The following GAL3ST2 variants were observed in gnomAD, a reference collection of about 807,000 sequenced individuals.
GAL3ST2 encodes the protein galactose-3-O-sulfotransferase 2, also known as beta-galactose-3-O-sulfotransferase 2.
Under a neutral mutation model 12.9 loss-of-function variants are expected in GAL3ST2, and 16 were observed. The observed-to-expected ratio is 1.24, with a 90% CI of 0.84 to 1.88. The LOEUF (loss-of-function observed/expected upper bound fraction) is 1.88. GAL3ST2 is among the 40% of genes most tolerant of loss of function. The pLI is 0.00. For synonymous variants in GAL3ST2, 302 were observed against 273.9 expected (o/e 1.10, Z -1.01); for missense variants, 639 against 571.8 (o/e 1.12, Z -1.20).
chr2:241,798,323 C>T (rs866738053), intron 1 of GAL3ST2, among the ~76,000 whole-genome samples: 1 of 152,234 alleles, frequency 6.6e-6, no homozygotes, highest in Non-Finnish European at 1.5e-5. Flanking sequence ...CAGGCTGGCC[C>T]CAGCAGCAGA....
At chr2:241,786,635 G>A (rs972720185) in intron 1 of GAL3ST2, among the ~76,000 whole-genome samples, 1 of 152,140 alleles carries the variant, frequency 6.6e-6, no homozygotes, top group African/African-American at 2.4e-5. Flanking sequence ...GAGTTGTACA[G>A]CAAAATAAAC....
Position 241,778,792 on chromosome 2 carries a change from G to C in GAL3ST2, c.29+1808G>C, listed in dbSNP as rs59808416. Among the ~76,000 whole-genome samples the C allele has an allele frequency of 7.0e-3, 1,061 of 152,250 alleles. 23 individuals carry two copies. The highest frequency in any genetic ancestry group is 0.024 in the African/African-American group (989 of 41,538). On this transcript the variant is annotated intron_variant, in intron 1 of 3. Coordinates refer to ENST00000192314, the MANE Select transcript of GAL3ST2 (RefSeq NM_022134.3). ...GCATATGCAGGACGAACATTGGTTC[G>C]GTCTGGAGAGGCAGGACGGCTCGAA...
chr2:241,786,823 G>A (rs1247583305), intron 1 of GAL3ST2, among the ~76,000 whole-genome samples: 6 of 152,170 alleles, frequency 3.9e-5, no homozygotes, highest in Non-Finnish European at 5.9e-5. Context: ...CATGGTTACC[G>A]AAATGCAAAC....
intron 1 of GAL3ST2, among the ~76,000 whole-genome samples, chr2:241,781,364 T>G (rs1249403745): frequency 6.6e-6 from 1 of 152,150 alleles, no homozygotes; most frequent in African/African-American, 2.4e-5. Context: ...CTGAAAATTT[T>G]TTCCTCTATT....
chr2:241,783,361 C>G (rs200382758), intron 1 of GAL3ST2, among the ~76,000 whole-genome samples: 1 of 151,068 alleles, frequency 6.6e-6, no homozygotes, highest in Non-Finnish European at 1.5e-5. Flanking sequence ...TCATTTTACT[C>G]TAGGACTAAA....
rs61729370 is a variant in GAL3ST2, at chr2:241,803,347, G to T, written c.378G>T (p.Val126=). The change falls in exon 4 of 4, where the codon GTG becomes GTT. Residue 126 remains valine (V), a splice_region_variant and synonymous_variant. Coordinates refer to ENST00000192314, the MANE Select transcript of GAL3ST2 (RefSeq NM_022134.3). ...CNHLRFNLPQ[V]QKVMPNDTFY... ...CCCGCCTCTCTGTCGCCACACAGGT[G>T]CAGAAAGTCATGCCCAACGACACCT... 3.5e-4 allele frequency: 552 copies of T among 1,595,362 alleles called. 4 individuals are homozygous for T. The African/African-American group carries it at 6.6e-3, about 19-fold the overall frequency.
chr2:241,795,813 T>C lies in GAL3ST2; in HGVS notation c.30-3252T>C, dbSNP rs1213139261. Among the ~76,000 whole-genome samples the C allele has an allele frequency of 6.6e-6, 1 of 152,218 alleles. No individual in the cohort carries two copies. The highest frequency in any genetic ancestry group is 1.5e-5 in the Non-Finnish European group (1 of 68,040). The stretch of plus-strand genomic sequence containing the variant: ...GCGTGGGGCGCATGGCCCTCTCTGC[T>C]CTGCGGCCCCTCTCGCTCTCCTCTC... On this transcript the variant is annotated intron_variant, in intron 1 of 3. Coordinates refer to ENST00000192314, the MANE Select transcript of GAL3ST2 (RefSeq NM_022134.3). The surrounding 1 kb of genome is among the most constrained non-coding windows in gnomAD (Gnocchi z 4.5).
At position 241,801,291 on chromosome 2, in the gene GAL3ST2, C is replaced by G; in HGVS notation, c.120-490C>G. 6.2e-6 allele frequency: 1 copy of G among 161,760 alleles called. No individual in the cohort carries two copies. The highest frequency in any genetic ancestry group is 1.3e-5 in the Non-Finnish European group (1 of 74,298). 10.0% of individuals were successfully genotyped at this position (161,760 alleles called of 1,614,324 possible). On this transcript the variant is annotated intron_variant, in intron 2 of 3. Coordinates refer to ENST00000192314, the MANE Select transcript of GAL3ST2 (RefSeq NM_022134.3). The surrounding 1 kb of genome is among the most constrained non-coding windows in gnomAD (Gnocchi z 4.4). ...TCCATGTCCCTGCAAAGGACATGAA[C>G]TCATTCTTTTTTATGGCTGCACAGT...
rs981081781 is a variant in GAL3ST2, at chr2:241,800,382, G to T, written c.119+1228G>T. ...CTTCGAGGGAGGGGGTGGGACAGGGGCTTACGCTGAACGGCTTGGCCAAGT... is the reference window on the plus strand; with the variant it reads ...CTTCGAGGGAGGGGGTGGGACAGGGTCTTACGCTGAACGGCTTGGCCAAGT... On this transcript the variant is annotated intron_variant, in intron 2 of 3. Transcript: ENST00000192314. The surrounding 1 kb of genome is among the most constrained non-coding windows in gnomAD (Gnocchi z 5.2). 6.6e-6 allele frequency among the ~76,000 whole-genome samples: 1 copy of T among 151,294 alleles called. No homozygotes were observed. Among genetic ancestry groups the T allele is most frequent in the Non-Finnish European group, 1.5e-5 (1 of 68,030 alleles).
chr2:241,801,900 T>G lies in GAL3ST2; in HGVS notation c.239T>G (p.Leu80Arg). ...ILYRFAETHN[L>R]SVALPAGSRV... ...TACCGCTTCGCCGAGACCCACAACC[T>G]GTCCGTGGCGCTGCCCGCCGGCTCA... Residue 80 changes from leucine to arginine, a missense_variant, in exon 3 of 4, where the codon CTG (leucine) becomes CGG (arginine). By Grantham distance (102) the Leu-to-Arg change is moderately radical. Transcript: ENST00000192314. The surrounding 1 kb of genome is among the most constrained non-coding windows in gnomAD (Gnocchi z 4.4). 6.2e-7 allele frequency: 1 copy of G among 1,612,982 alleles called. No homozygotes were observed.
intron 1 of GAL3ST2, among the ~76,000 whole-genome samples, chr2:241,780,923 G>C (rs1699558783): frequency 6.6e-6 from 1 of 152,132 alleles, no homozygotes; most frequent in Non-Finnish European, 1.5e-5. Flanking sequence ...TTTTCCAAGG[G>C]GCATTTATTG....
chr2:241,799,118 C>A lies in GAL3ST2; in HGVS notation c.83C>A (p.Ala28Asp). ...CTGGCCCTGACTCTGCTCCTGCTGG[C>A]CGGATTCCTGCACTCGGACTTAGAG... ...LLLALTLLLL[A>D]GFLHSDLELD... The change falls in exon 2 of 4, where the codon GCC becomes GAC. Residue 28 changes from alanine (A) to aspartate (D), a missense_variant. Physicochemically the swap from Ala to Asp is moderately radical, Grantham distance 126. Transcript: ENST00000192314. The A allele has an allele frequency of 1.9e-6, 3 of 1,613,810 alleles. No individual in the cohort carries two copies. Among genetic ancestry groups the A allele is most frequent in the South Asian group, 2.2e-5 (2 of 91,076 alleles).
At position 241,803,396 on chromosome 2, in the gene GAL3ST2, C is replaced by G. The variant is rs756622639; in HGVS notation, c.427C>G (p.Pro143Ala). The G allele has an allele frequency of 6.2e-7, 1 of 1,612,628 alleles. No individual in the cohort carries two copies. The highest frequency in any genetic ancestry group is 1.7e-5 in the Admixed American group (1 of 59,890). The part of the protein sequence containing the change: ...DTFYFSILRN[P>A]VFQLESSFIY... ...CTTCTACTTCTCCATCCTGAGGAAC[C>G]CCGTGTTCCAGCTGGAGTCCTCCTT... The change falls in exon 4 of 4, where the codon CCC becomes GCC. Residue 143 changes from proline (P) to alanine (A), a missense_variant. Physicochemically the swap from Pro to Ala is conservative, Grantham distance 27. Coordinates refer to ENST00000192314, the MANE Select transcript of GAL3ST2 (RefSeq NM_022134.3).
rs964418885 is a variant in GAL3ST2 at position 241,793,624 on chromosome 2, ATATTG to A, written c.30-5439_30-5435del. Among the ~76,000 whole-genome samples, 3 of 113,914 alleles carry A rather than the reference ATATTG, an allele frequency of 2.6e-5. No homozygotes were observed. The highest frequency in any genetic ancestry group is 2.0e-4 in the East Asian group (1 of 4,918). The allele number at this position is 113,914 out of a possible 152,430, so 74.7% of individuals were successfully genotyped here. On this transcript the variant is annotated intron_variant, in intron 1 of 3. Coordinates refer to ENST00000192314, the MANE Select transcript of GAL3ST2 (RefSeq NM_022134.3). This position sits in a 1 kb window ranked among gnomAD's most constrained non-coding sequence, Gnocchi z 4.7. ...ATATGTGTGTGTATTGTGTGTGTAC[ATATTG>A]TGTTTGTGTGTACATATTGTGTATG... is the stretch of plus-strand genomic sequence containing the variant.
Position 241,793,396 on chromosome 2 carries a change from GTATA to G in GAL3ST2, c.30-5667_30-5664del, listed in dbSNP as rs767569916. 6.6e-6 allele frequency among the ~76,000 whole-genome samples: 1 copy of G among 151,472 alleles called. No individual in the cohort carries two copies. The highest frequency in any genetic ancestry group is 1.5e-5 in the Non-Finnish European group (1 of 67,896). ...GTATGTATTGTGTATGCATGTGTGT[GTATA>G]TGTATGTATACATGTACGTGTGTAT... is the stretch of plus-strand genomic sequence containing the variant. On this transcript the variant is annotated intron_variant, in intron 1 of 3. Coordinates refer to ENST00000192314, the MANE Select transcript of GAL3ST2 (RefSeq NM_022134.3). This position sits in a 1 kb window ranked among gnomAD's most constrained non-coding sequence, Gnocchi z 4.7.
Position 241,801,776 on chromosome 2 carries a change from C to A in GAL3ST2, c.120-5C>A. ...GCTGAAGGCTGCGTGTGCCTTCCCT[C>A]CCAGCCTGTTTGGGGGCCAGGCTGA... On this transcript the variant is annotated splice_polypyrimidine_tract_variant and splice_region_variant and intron_variant, in intron 2 of 3. Coordinates refer to ENST00000192314, the MANE Select transcript of GAL3ST2 (RefSeq NM_022134.3). The surrounding 1 kb of genome is among the most constrained non-coding windows in gnomAD (Gnocchi z 4.4). 6.2e-7 allele frequency: 1 copy of A among 1,611,788 alleles called. No homozygotes were observed. Among genetic ancestry groups the A allele is most frequent in the Non-Finnish European group, 8.5e-7 (1 of 1,179,586 alleles).
chr2:241,783,369 A>C (rs547869908), intron 1 of GAL3ST2, among the ~76,000 whole-genome samples: 1 of 152,306 alleles, frequency 6.6e-6, no homozygotes, highest in East Asian at 1.9e-4. Flanking sequence ...CTCTAGGACT[A>C]AATTTACCAT....
chr2:241,787,793 C>A lies in GAL3ST2; in HGVS notation c.29+10809C>A, dbSNP rs184253669. Among the ~76,000 whole-genome samples the A allele has an allele frequency of 7.6e-4, 116 of 152,174 alleles. 3 individuals carry two copies. Among genetic ancestry groups the A allele is most frequent in the South Asian group, 6.5e-3 (31 of 4,802 alleles). On this transcript the variant is annotated intron_variant, in intron 1 of 3. Transcript: ENST00000192314. ...CCAGCTGGTCTTAATTTCTCCTTTC[C>A]GTCAGAGTGCTCAGTGATATATTGT...
chr2:241,784,223 C>T (rs559376343), intron 1 of GAL3ST2, among the ~76,000 whole-genome samples: 22 of 152,138 alleles, frequency 1.4e-4, no homozygotes, highest in African/African-American at 4.8e-4. Context: ...TTATTAGAAA[C>T]GGCATTTCAC....
Sources: allele counts gnomAD v4.1 joint callset (sites outside exome capture counted in the v4.1 genomes callset), GRCh38; gene constraint gnomAD v4.1.1; non-coding constraint Gnocchi (gnomAD v3.1); transcripts MANE v1.5; gene names NCBI Gene and HGNC (gene_info 2026-07-23, HGNC 2026-07-21).